The following C6orf141 variants were observed in gnomAD, a reference collection of about 807,000 sequenced individuals.
The protein encoded by C6orf141 is uncharacterized protein C6orf141.
For synonymous variants in C6orf141, 164 were observed against 140.5 expected (o/e 1.17, Z -1.18); for missense variants, 361 against 335.8 (o/e 1.07, Z -0.59).
chr6:49,550,754 G>C lies in C6orf141; in HGVS notation c.-39G>C. 1 of 1,430,010 alleles carries C rather than the reference G, an allele frequency of 7.0e-7. No homozygotes were observed. Among genetic ancestry groups the C allele is most frequent in the African/African-American group, 1.5e-5 (1 of 68,792 alleles). 88.6% of individuals were successfully genotyped at this position (1,430,010 alleles called of 1,614,324 possible). ...GTGGTCCCGCGCTTTCCGGAGCTCA[G>C]CAGGCGCTTGCTGCTTGAACCGGTC... On this transcript the variant is annotated 5_prime_UTR_variant, in exon 1 of 1. Transcript: ENST00000529246.
downstream of C6orf141, among the ~76,000 whole-genome samples, chr6:49,556,093 C>T (rs548768062): frequency 1.3e-5 from 2 of 152,152 alleles, no homozygotes; most frequent in African/African-American, 2.4e-5. Flanking sequence ...GCAGCGTGGG[C>T]ATCTCCAAGA....
At chr6:49,556,978 G>A (rs1246689921), downstream of C6orf141, among the ~76,000 whole-genome samples, 5 of 152,330 alleles carry the variant, frequency 3.3e-5, no homozygotes, top group East Asian at 7.7e-4. Flanking sequence ...AAGAGGCCAA[G>A]CACGGTGGCT....
chr6:49,550,894 G>C lies in C6orf141; in HGVS notation c.102G>C (p.Arg34=), dbSNP rs1175473537. ...RSLGDLGPFP[R]EVGRGAPLAP... is the part of the protein sequence containing the mutation. ...TGGGGGACCTCGGGCCTTTTCCGCG[G>C]GAGGTAGGGCGCGGGGCTCCGCTAG... The change falls in exon 1 of 1, where the codon CGG becomes CGC. Residue 34 remains arginine (R), a synonymous_variant. Transcript: ENST00000529246. 6.6e-7 allele frequency: 1 copy of C among 1,524,696 alleles called. No individual in the cohort carries two copies. Among genetic ancestry groups the C allele is most frequent in the African/African-American group, 1.4e-5 (1 of 71,288 alleles). The allele number at this position is 1,524,696 out of a possible 1,614,324, so 94.4% of individuals were successfully genotyped here. A position where few individuals can be genotyped will look rare whatever the true frequency, so the allele number is the denominator to read the frequency against.
At chr6:49,552,930 C>G (rs1423957899), downstream of C6orf141, 1 of 152,170 alleles carries the variant, frequency 6.6e-6, no homozygotes. Context: ...CTTTCTTTTT[C>G]TATTTTTTTC....
rs1770213495 is a variant in C6orf141, at chr6:49,550,698, G to C, written c.-95G>C. ...TCAGCTTTCACCGGCTGGGAGTCCG[G>C]AGCTGCAGCAGAGGCCACACCCAGG... is the stretch of plus-strand genomic sequence containing the variant. On this transcript the variant is annotated 5_prime_UTR_variant, in exon 1 of 1. Transcript: ENST00000529246. 2 of 1,125,060 alleles carry C rather than the reference G, an allele frequency of 1.8e-6. No homozygotes were observed. The highest frequency in any genetic ancestry group is 2.4e-6 in the Non-Finnish European group (2 of 823,492). 69.7% of individuals were successfully genotyped at this position (1,125,060 alleles called of 1,614,324 possible).
downstream of C6orf141, chr6:49,555,419 C>T (rs1054373255): frequency 2.6e-5 from 4 of 151,670 alleles, no homozygotes; most frequent in Non-Finnish European, 4.4e-5. Context: ...CCCCAAATCT[C>T]TTTTAATATT....
chr6:49,561,353 C>T (rs1773291686), intron 4 of C6orf141, among the ~76,000 whole-genome samples: 2 of 152,298 alleles, frequency 1.3e-5, no homozygotes, highest in South Asian at 4.2e-4. Flanking sequence ...CCTGCCTTGG[C>T]CTCCCAAAGT....
rs1421158479 is a variant in C6orf141, at chr6:49,550,787, G to A, written c.-6G>A. On this transcript the variant is annotated 5_prime_UTR_variant, in exon 1 of 1. Coordinates refer to ENST00000529246, the MANE Select transcript of C6orf141 (RefSeq NM_001145652.2). ...TTGCTGCTTGAACCGGTCAAAGAAG[G>A]AACGAATGAATGACCCTTTTGCCAG... The A allele has an allele frequency of 6.9e-7, 1 of 1,454,236 alleles. No homozygotes were observed. The highest frequency in any genetic ancestry group is 1.4e-5 in the African/African-American group (1 of 69,512). The allele number at this position is 1,454,236 out of a possible 1,614,324, so 90.1% of individuals were successfully genotyped here.
At chr6:49,558,713 T>C (rs1266707988) in intron 4 of C6orf141, among the ~76,000 whole-genome samples, 4 of 151,988 alleles carry the variant, frequency 2.6e-5, no homozygotes, top group African/African-American at 7.3e-5. Flanking sequence ...CGTATTTTTT[T>C]TGGGGGGGGT....
intron 4 of C6orf141, among the ~76,000 whole-genome samples, chr6:49,558,413 A>G (rs2127310188): frequency 6.6e-6 from 1 of 151,534 alleles, no homozygotes; most frequent in East Asian, 1.9e-4. Flanking sequence ...GGAAAAAAAA[A>G]AAAAAAAGAG....
rs756677898 is a variant in C6orf141 at position 49,551,143 on chromosome 6, T to C, written c.351T>C (p.Pro117=). ...REEVAGAEDL[P]HAGGEDHGEE... ...AGGTGGCCGGTGCAGAGGACCTTCC[T>C]CATGCGGGTGGAGAGGACCACGGCG... Residue 117 remains proline (P), a synonymous_variant, in exon 1 of 1, where the codon CCT becomes CCC. Transcript: ENST00000529246. 5 of 1,551,564 alleles carry C rather than the reference T, an allele frequency of 3.2e-6. No homozygotes were observed. In the African/African-American group the frequency reaches 5.5e-5, roughly 17 times the overall value.
rs976710381 is a variant in C6orf141 at position 49,551,093 on chromosome 6, A to G, written c.301A>G (p.Thr101Ala). The change falls in exon 1 of 1, where the codon ACT becomes GCT. Residue 101 changes from threonine (T) to alanine (A), a missense_variant. By Grantham distance (58) the Thr-to-Ala change is moderately conservative. Coordinates refer to ENST00000529246, the MANE Select transcript of C6orf141 (RefSeq NM_001145652.2). ...CCTGCACCCAGAGAGGTGGTTAGGG[A>G]CTCGAGGGGACCCTGCACGGGAAGA... The part of the protein sequence containing the change: ...FLLHPERWLG[T>A]RGDPAREEVA... The G allele has an allele frequency of 3.2e-6, 5 of 1,551,376 alleles. No homozygotes were observed. The South Asian group carries it at 3.6e-5, about 11-fold the overall frequency.
intron 4 of C6orf141, chr6:49,561,649 T>A (rs1773328323): frequency 1.3e-5 from 2 of 152,224 alleles, no homozygotes; most frequent in Non-Finnish European, 2.9e-5. Flanking sequence ...TGAGCTGTTT[T>A]ACTGGATTTG....
intron 4 of C6orf141, chr6:49,560,947 TTTTC>T (rs1318723362): frequency 6.6e-6 from 1 of 152,106 alleles, no homozygotes; most frequent in Admixed American, 6.6e-5. Context: ...ACATTTTTAT[TTTTC>T]TTTATTTTTT....
downstream of C6orf141, among the ~76,000 whole-genome samples, chr6:49,555,799 C>T (rs563991939): frequency 2.0e-5 from 3 of 152,212 alleles, no homozygotes; most frequent in South Asian, 2.1e-4. Flanking sequence ...TGAGCCACCG[C>T]GCACCTGGCG....
In C6orf141 at chr6:49,551,130, CAGAGGACCTTCCTCATGCGGGTGG is replaced by C. The variant is rs773245551; in HGVS notation, c.347_370del (p.Leu116_Asp123del). The C allele has an allele frequency of 6.4e-7, 1 of 1,551,728 alleles. No individual in the cohort carries two copies. On this transcript the variant is annotated inframe_deletion, in exon 1 of 1. Transcript: ENST00000529246. ...CCTGCACGGGAAGAGGTGGCCGGTG[CAGAGGACCTTCCTCATGCGGGTGG>C]AGAGGACCACGGCGAGGAGCCCAAC...
In C6orf141 at chr6:49,551,199, G is replaced by A; in HGVS notation, c.407G>A (p.Arg136Gln). The A allele has an allele frequency of 1.3e-6, 2 of 1,551,540 alleles. No homozygotes were observed. Among genetic ancestry groups the A allele is most frequent in the South Asian group, 1.2e-5 (1 of 84,056 alleles). Reference sequence around the variant, plus strand: ...CCCAACTACCCTTCTGTCTTTCAACGACAAAAGCGAATTTCTGGCAGGCGT... The same window carrying A: ...CCCAACTACCCTTCTGTCTTTCAACAACAAAAGCGAATTTCTGGCAGGCGT... ...EEPNYPSVFQ[R>Q]QKRISGRRVA... Residue 136 changes from arginine (R) to glutamine (Q), a missense_variant, in exon 1 of 1, where the codon CGA becomes CAA. By Grantham distance (43) the Arg-to-Gln change is conservative. Transcript: ENST00000529246.
intron 4 of C6orf141, among the ~76,000 whole-genome samples, chr6:49,561,129 T>C (rs140402290): frequency 2.0e-5 from 3 of 150,884 alleles, no homozygotes; most frequent in African/African-American, 7.3e-5. Flanking sequence ...ACAGAGTCTT[T>C]CTCTGTCGCC....
In C6orf141 at chr6:49,550,928, G is replaced by A. The variant is rs537068699; in HGVS notation, c.136G>A (p.Ala46Thr). ...VGRGAPLAPG[A>T]RNPATAGASR... ...GCGCGGGGCTCCGCTAGCTCCGGGC[G>A]CCCGGAATCCCGCGACGGCAGGGGC... is the stretch of plus-strand genomic sequence containing the variant. The change falls in exon 1 of 1, where the codon GCC becomes ACC. Residue 46 changes from alanine (A) to threonine (T), a missense_variant. Physicochemically the swap from Ala to Thr is moderately conservative, Grantham distance 58 (BLOSUM62 0). Transcript: ENST00000529246. 7 of 1,542,674 alleles carry A rather than the reference G, an allele frequency of 4.5e-6. No individual in the cohort carries two copies. The African/African-American group carries it at 8.3e-5, about 18-fold the overall frequency.
Sources: gnomAD v4.1 joint callset for allele counts (sites outside exome capture counted in the v4.1 genomes callset) on GRCh38, gnomAD v4.1.1 for gene constraint, MANE v1.5 for transcripts, NCBI Gene and HGNC (gene_info 2026-07-23, HGNC 2026-07-21) for gene names.